Variants in SMARCA4 observed in about 807,000 individuals in gnomAD.
SMARCA4 encodes SWI/SNF related BAF chromatin remodeling complex subunit ATPase 4.
SMARCA4 carries 31 observed loss-of-function variants against 193.9 expected under a neutral mutation model. The ratio of observed to expected loss-of-function variants is 0.16; its 90% confidence interval spans 0.12 to 0.22. The LOEUF is 0.22. Among genes scored for constraint, SMARCA4 ranks in the 10% least tolerant of loss-of-function variants. The probability of loss-of-function intolerance (pLI) is 1.00; values close to 1 mark genes in which losing one functional copy is unlikely to be tolerated. For synonymous variants in SMARCA4, 942 were observed against 933.1 expected (o/e 1.01, Z -0.17); for missense variants, 1,148 against 2,296.0 (o/e 0.50, Z 10.22).
At chr19:10,967,373 C>T (rs1219346518) in intron 1 of SMARCA4, among the ~76,000 whole-genome samples, 3 of 151,566 alleles carry the variant, frequency 2.0e-5, no homozygotes, top group Non-Finnish European at 4.4e-5. Context: ...TGCAGTGGCA[C>T]GATCTCAGCT....
intron 13 of SMARCA4, among the ~76,000 whole-genome samples, chr19:11,007,368 T>C (rs1465097411): frequency 2.0e-5 from 3 of 147,904 alleles, no homozygotes; most frequent in Non-Finnish European, 3.0e-5. Flanking sequence ...AGCTGGAGGT[T>C]GCACTGCGCC....
chr19:11,061,047 G>A (rs752570860), intron 34 of SMARCA4, among the ~76,000 whole-genome samples: 2 of 151,854 alleles, frequency 1.3e-5, no homozygotes, highest in African/African-American at 4.8e-5. Context: ...ATGAGGCCAG[G>A]TCCAGTGGCT....
intron 9 of SMARCA4, 137 bp from the exon 10 acceptor site, chr19:10,996,076 G>T: frequency 1.1e-5 from 9 of 848,426 alleles, no homozygotes; most frequent in Non-Finnish European, 1.9e-5. Flanking sequence ...GGAGTCGATT[G>T]CCGTGTGAAG....
chr19:11,030,656 G>A lies in SMARCA4; in HGVS notation c.3383-74G>A. On this transcript the variant is annotated intron_variant, in intron 24 of 34. Coordinates refer to ENST00000344626, the MANE Select transcript of SMARCA4 (RefSeq NM_003072.5). The surrounding 1 kb of genome is among the most constrained non-coding windows in gnomAD (Gnocchi z 5.5). The stretch of plus-strand genomic sequence containing the variant: ...GCTGATCCTGCTCCTGCTCTCAGAA[G>A]CAGGTGTTCCTTGGTGTCCCCACTC... 2.2e-6 allele frequency: 3 copies of A among 1,366,902 alleles called. No homozygotes were observed. Among genetic ancestry groups the A allele is most frequent in the Middle Eastern group, 3.7e-4 (2 of 5,344 alleles). The allele number at this position is 1,366,902 out of a possible 1,614,324, so 84.7% of individuals were successfully genotyped here.
Position 11,059,834 on chromosome 19 carries a change from G to A in SMARCA4, c.4717G>A (p.Glu1573Lys), listed in dbSNP as rs775433905. The stretch of plus-strand genomic sequence containing the variant: ...CGAGAAGGAGGATGACAGTGAAGGC[G>A]AGGAGAGTGAGGAGGAGGAAGAGGG... ...KIEKEDDSEG[E>K]ESEEEEEGEE... The change falls in exon 33 of 35, where the codon GAG (glutamate) becomes AAG (lysine). Residue 1573 changes from glutamate (E) to lysine (K), a missense_variant. Around this residue, in one of 17 missense-constraint regions of SMARCA4, gnomAD observed 105 missense variants for 133.7 expected, o/e 0.79. Coordinates refer to ENST00000344626, the MANE Select transcript of SMARCA4 (RefSeq NM_003072.5). The A allele has an allele frequency of 3.1e-6, 5 of 1,613,674 alleles. No homozygotes were observed. Among genetic ancestry groups the A allele is most frequent in the Admixed American group, 1.7e-5 (1 of 59,974 alleles).
chr19:10,977,378 C>T (rs1024138032), intron 1 of SMARCA4, among the ~76,000 whole-genome samples: 1 of 151,906 alleles, frequency 6.6e-6, no homozygotes, highest in Non-Finnish European at 1.5e-5. Flanking sequence ...GGCTGGAGTG[C>T]AGTGGTGTGA....
chr19:10,985,465 T>C lies in SMARCA4; in HGVS notation c.355+60T>C. The C allele has an allele frequency of 6.3e-7, 1 of 1,593,618 alleles. No homozygotes were observed. Among genetic ancestry groups the C allele is most frequent in the Non-Finnish European group, 8.6e-7 (1 of 1,169,050 alleles). ...TCATACTCCAGAGTCCTCAGATCAT[T>C]TTCCTCCCCTGGGTTCCCACAGGAT... On this transcript the variant is annotated intron_variant, in intron 3 of 34. Coordinates refer to ENST00000344626, the MANE Select transcript of SMARCA4 (RefSeq NM_003072.5). This position sits in a 1 kb window ranked among gnomAD's most constrained non-coding sequence, Gnocchi z 4.5.
intron 30 of SMARCA4, chr19:11,056,518 T>G (rs1474442512): frequency 6.6e-6 from 1 of 152,292 alleles, no homozygotes; most frequent in Non-Finnish European, 1.5e-5. Flanking sequence ...CAAGGCGGGC[T>G]GTGTCCAGGC....
chr19:10,990,151 G>A (rs1312898109), intron 7 of SMARCA4, among the ~76,000 whole-genome samples: 1 of 151,656 alleles, frequency 6.6e-6, no homozygotes, highest in Non-Finnish European at 1.5e-5. Flanking sequence ...CATTACACCT[G>A]GCTATATTTT....
chr19:11,037,496 T>C (rs2075335062), intron 29 of SMARCA4, among the ~76,000 whole-genome samples: 1 of 152,254 alleles, frequency 6.6e-6, no homozygotes, highest in South Asian at 2.1e-4. Context: ...TTTACCCAAA[T>C]TTAAAATATA....
chr19:10,977,060 A>T (rs2085191991), intron 1 of SMARCA4, among the ~76,000 whole-genome samples: 1 of 152,196 alleles, frequency 6.6e-6, no homozygotes, highest in East Asian at 1.9e-4. Flanking sequence ...TGTCTCCAAA[A>T]CAAATAAATA....
rs1422913266 is a variant in SMARCA4, at chr19:11,059,969, C to G, written c.4769-76C>G. 3.7e-6 allele frequency: 6 copies of G among 1,612,276 alleles called. No homozygotes were observed. The East Asian group carries it at 1.3e-4, about 36-fold the overall frequency. ...CCCCAGCTTTTCACAGCCCTCCCGG[C>G]TCCCAGACGCCCCTTGCTGTGGGGG... On this transcript the variant is annotated intron_variant, in intron 33 of 34. Transcript: ENST00000344626.
chr19:11,026,244 C>A, intron 22 of SMARCA4, 56 bp from the exon 23 acceptor site: 2 of 1,417,592 alleles, frequency 1.4e-6, no homozygotes, highest in South Asian at 1.1e-5. Context: ...CGGACCGCAG[C>A]GGGGCCCGGT....
intron 11 of SMARCA4, among the ~76,000 whole-genome samples, chr19:11,002,313 A>G (rs2146078758): frequency 6.6e-6 from 1 of 151,948 alleles, no homozygotes; most frequent in African/African-American, 2.4e-5. Context: ...CCCCGTCTCC[A>G]CTAAAAATAC....
intron 18 of SMARCA4, among the ~76,000 whole-genome samples, chr19:11,020,278 C>T (rs1881662482): frequency 6.6e-6 from 1 of 152,148 alleles, no homozygotes; most frequent in African/African-American, 2.4e-5. Flanking sequence ...GAATACGGCC[C>T]AGATAGAAAA....
In SMARCA4 at chr19:10,974,555, T is replaced by C. The variant is rs190215534; in HGVS notation, c.-31-9566T>C. On this transcript the variant is annotated intron_variant, in intron 1 of 34. Transcript: ENST00000344626. ...AATAAAAAGCGCCAGACATCTGTGA[T>C]ATGGAAAGGGTAAGTTCCTCATCAC... Among the ~76,000 whole-genome samples the C allele has an allele frequency of 2.0e-4, 30 of 149,276 alleles. No homozygotes were observed. The East Asian group carries it at 5.2e-3, about 26-fold the overall frequency.
chr19:11,052,706 C>T (rs988558775), intron 30 of SMARCA4, among the ~76,000 whole-genome samples: 9 of 152,216 alleles, frequency 5.9e-5, no homozygotes, highest in African/African-American at 2.2e-4. Flanking sequence ...GTGATGAATT[C>T]AGAAAAGAGC....
intron 29 of SMARCA4, among the ~76,000 whole-genome samples, chr19:11,036,237 CTG>C (rs2075262644): frequency 1.3e-5 from 2 of 152,218 alleles, no homozygotes; most frequent in South Asian, 4.1e-4. Flanking sequence ...TGCCACAGAC[CTG>C]TGTGACAGCA....
intron 13 of SMARCA4, 125 bp from the exon 14 acceptor site, chr19:11,007,777 A>T (rs1162376142): frequency 1.1e-6 from 1 of 874,790 alleles, no homozygotes; most frequent in African/African-American, 1.6e-5. Flanking sequence ...CACACATTCC[A>T]GGATAGGTAG....
Sources: gnomAD v4.1 joint callset for allele counts (sites outside exome capture counted in the v4.1 genomes callset) on GRCh38, gnomAD v4.1.1 for gene constraint, gnomAD v4.1.1 regional missense constraint, Gnocchi (gnomAD v3.1) non-coding constraint, MANE v1.5 for transcripts, NCBI Gene and HGNC (gene_info 2026-07-23, HGNC 2026-07-21) for gene names.